ABCB1: variants seen among roughly 807,000 people sequenced by gnomAD.
The protein encoded by ABCB1 is ATP binding cassette subfamily B member 1, also known as ATP-dependent translocase ABCB1.
Under a neutral mutation model 142.0 loss-of-function variants are expected in ABCB1, and 69 were observed. That is an observed-to-expected ratio of 0.49 (90% CI 0.40 to 0.59). The LOEUF (loss-of-function observed/expected upper bound fraction) is 0.59, where lower values mean the gene tolerates loss of function less well. ABCB1 is among the 20% of genes least tolerant of loss of function. The pLI is 0.00. For synonymous variants in ABCB1, 532 were observed against 539.2 expected, an observed-to-expected ratio of 0.99 and a Z score of 0.18; for missense variants, 1,326 against 1,554.7, an observed-to-expected ratio of 0.85 and a Z score of 2.47.
chr7:87,669,066 T>A (rs1585050213), intron 1 of ABCB1, among the ~76,000 whole-genome samples: 1 of 152,208 alleles, frequency 6.6e-6, no homozygotes, highest in East Asian at 1.9e-4. Context: ...TTTAATACTG[T>A]CTGTGGAGTG....
chr7:87,636,460 T>C (rs1821787328), intron 1 of ABCB1, among the ~76,000 whole-genome samples: 1 of 152,186 alleles, frequency 6.6e-6, no homozygotes, highest in Non-Finnish European at 1.5e-5. Flanking sequence ...TTGTACATTC[T>C]GTATGGGAAT....
intron 1 of ABCB1, among the ~76,000 whole-genome samples, chr7:87,665,374 A>G (rs1013698070): frequency 6.6e-6 from 1 of 152,134 alleles, no homozygotes; most frequent in African/African-American, 2.4e-5. Flanking sequence ...GAGGAAATTC[A>G]GGCAAGGAAG....
rs758755760 is a variant in ABCB1, at chr7:87,600,166, G to C, written c.19C>G (p.Arg7Gly). The C allele has an allele frequency of 1.9e-6, 3 of 1,613,954 alleles. No homozygotes were observed. The Admixed American group carries it at 5.0e-5, about 27-fold the overall frequency. The part of the protein sequence containing the change: MDLEGD[R>G]NGGAKKKNFF... ...TTCTTCTTCTTTGCTCCTCCATTGCGGTCCCCTTCAAGATCCATTCCGACC... is the reference window on the plus strand; with the variant it reads ...TTCTTCTTCTTTGCTCCTCCATTGCCGTCCCCTTCAAGATCCATTCCGACC... Residue 7 changes from arginine (R) to glycine (G), a missense_variant, in exon 2 of 28, where the codon CGC becomes GGC. Arg to Gly is a moderately radical substitution (Grantham distance 125). Coordinates refer to ENST00000622132, the MANE Select transcript of ABCB1 (RefSeq NM_001348946.2).
chr7:87,675,595 A>G (rs1035557206), intron 1 of ABCB1, among the ~76,000 whole-genome samples: 1 of 150,936 alleles, frequency 6.6e-6, no homozygotes, highest in African/African-American at 2.4e-5. Context: ...AAGAGTACAC[A>G]ATAGGGAAAG....
chr7:87,682,436 G>C (rs1263983451), intron 1 of ABCB1, among the ~76,000 whole-genome samples: 1 of 152,136 alleles, frequency 6.6e-6, no homozygotes, highest in Non-Finnish European at 1.5e-5. Context: ...ATGGAGGCTA[G>C]AGCCTTAAGA....
intron 1 of ABCB1, among the ~76,000 whole-genome samples, chr7:87,705,189 C>T (rs971818627): frequency 6.6e-6 from 1 of 152,178 alleles, no homozygotes; most frequent in Non-Finnish European, 1.5e-5. Flanking sequence ...CTTTGGGAGG[C>T]TGAGGCAGGT....
chr7:87,525,242 T>G (rs974229476), intron 21 of ABCB1, among the ~76,000 whole-genome samples: 1 of 152,186 alleles, frequency 6.6e-6, no homozygotes, highest in African/African-American at 2.4e-5. Flanking sequence ...CGGAAACTGT[T>G]GTGTACTAAA....
At chr7:87,582,976 A>G (rs1380595748) in intron 4 of ABCB1, among the ~76,000 whole-genome samples, 1 of 152,202 alleles carries the variant, frequency 6.6e-6, no homozygotes, top group Non-Finnish European at 1.5e-5. Context: ...TAAAGGGATG[A>G]TTATTCACAT....
At chr7:87,562,497 A>G (rs1563053716) in intron 7 of ABCB1, among the ~76,000 whole-genome samples, 1 of 152,198 alleles carries the variant, frequency 6.6e-6, no homozygotes. Context: ...CTCCTTCTGA[A>G]ACCTCATGGT....
In ABCB1 at chr7:87,662,510, G is replaced by A. The variant is rs138334444; in HGVS notation, c.-331+50651C>T. On this transcript the variant is annotated intron_variant, in intron 1 of 28. Transcript: ENST00000265724. ...CCCAGCACCATTTATTGAAGAGACT[G>A]TCCTTTCCCCAATATACATTTTCAG... Among the ~76,000 whole-genome samples the A allele has an allele frequency of 5.2e-3, 794 of 152,122 alleles. 8 individuals are homozygous for A. The highest frequency in any genetic ancestry group is 0.018 in the African/African-American group (750 of 41,522).
chr7:87,563,291 G>T (rs1048847330), intron 7 of ABCB1: 6 of 360,908 alleles, frequency 1.7e-5, no homozygotes, highest in Non-Finnish European at 2.8e-5. Context: ...TAGGTGGAGG[G>T]ACTCCTCTCT....
chr7:87,696,508 A>C (rs1459168487), intron 1 of ABCB1, among the ~76,000 whole-genome samples: 1 of 152,194 alleles, frequency 6.6e-6, no homozygotes, highest in Non-Finnish European at 1.5e-5. Flanking sequence ...TAGATGCAGA[A>C]ATTAATTATT....
intron 1 of ABCB1, among the ~76,000 whole-genome samples, chr7:87,705,412 C>T (rs1214414127): frequency 1.3e-5 from 2 of 152,012 alleles, no homozygotes; most frequent in East Asian, 3.8e-4. Flanking sequence ...GGCAACAGAG[C>T]GAGACTCCAT....
chr7:87,641,536 T>G (rs1389509028), intron 1 of ABCB1, among the ~76,000 whole-genome samples: 1 of 152,164 alleles, frequency 6.6e-6, no homozygotes, highest in Non-Finnish European at 1.5e-5. Context: ...AACAACAAAA[T>G]GCACTGATTT....
In ABCB1 at chr7:87,613,296, G is replaced by A. The variant is rs1420435660; in HGVS notation, c.-330-12218C>T. Among the ~76,000 whole-genome samples, 2 of 122,884 alleles carry A rather than the reference G, an allele frequency of 1.6e-5. 1 individual carries two copies. The highest frequency in any genetic ancestry group is 6.2e-5 in the African/African-American group (2 of 32,474). The allele number at this position is 122,884 out of a possible 152,430, so 80.6% of individuals were successfully genotyped here. The stretch of plus-strand genomic sequence containing the variant: ...TTTTTTTTTTTGCCTGATTGCTCTG[G>A]CAAGGACTTTCGATTTCTCAAAATT... On this transcript the variant is annotated intron_variant, in intron 1 of 28. Coordinates refer to the ABCB1 transcript ENST00000265724.
chr7:87,706,339 A>G (rs929461766), intron 1 of ABCB1, among the ~76,000 whole-genome samples: 1 of 152,128 alleles, frequency 6.6e-6, no homozygotes, highest in African/African-American at 2.4e-5. Flanking sequence ...TTATAAGATC[A>G]GCTTGGTGCT....
chr7:87,559,287 C>A (rs970724573), intron 8 of ABCB1, among the ~76,000 whole-genome samples: 4 of 152,006 alleles, frequency 2.6e-5, no homozygotes, highest in Non-Finnish European at 5.9e-5. Flanking sequence ...TATGGGTTTA[C>A]TCAGATCTTC....
At chr7:87,660,992 C>T (rs1824647072) in intron 1 of ABCB1, among the ~76,000 whole-genome samples, 1 of 151,680 alleles carries the variant, frequency 6.6e-6, no homozygotes, top group African/African-American at 2.4e-5. Flanking sequence ...AATAAATGTC[C>T]CATCTTGAGA....
intron 22 of ABCB1, among the ~76,000 whole-genome samples, chr7:87,519,922 T>A (rs553462947): frequency 0.029 from 4,343 of 152,308 alleles, 213 homozygotes; most frequent in African/African-American, 0.098. Flanking sequence ...GAGACCTGAC[T>A]TGAGTTGAAT....
Sources: allele counts gnomAD v4.1 joint callset (sites outside exome capture counted in the v4.1 genomes callset), GRCh38; gene constraint gnomAD v4.1.1; transcripts MANE v1.5; gene names NCBI Gene and HGNC (gene_info 2026-07-23, HGNC 2026-07-21).